Variants in GRIN2A observed in about 807,000 individuals in gnomAD.
GRIN2A encodes glutamate ionotropic receptor NMDA type subunit 2A.
GRIN2A carries 22 observed loss-of-function variants against 113.4 expected under a neutral mutation model. The observed-to-expected ratio is 0.19, with a 90% confidence interval of 0.14 to 0.28. GRIN2A has a LOEUF of 0.28. Ranked by LOEUF, GRIN2A falls within the 10% of genes least tolerant of loss-of-function variation. GRIN2A has a pLI of 1.00. For missense variants in GRIN2A, 1,502 were observed against 1,887.0 expected, an observed-to-expected ratio of 0.80 and a Z score of 3.78; for synonymous variants, 827 against 738.4, an observed-to-expected ratio of 1.12 and a Z score of -1.94.
chr16:10,158,722 G>T (rs1407217780), intron 2 of GRIN2A, among the ~76,000 whole-genome samples: 1 of 152,136 alleles, frequency 6.6e-6, no homozygotes, highest in Non-Finnish European at 1.5e-5. Flanking sequence ...TAAATCCACA[G>T]ATACAGAAAG....
chr16:10,030,300 C>A (rs994228080), intron 2 of GRIN2A, among the ~76,000 whole-genome samples: 1 of 152,110 alleles, frequency 6.6e-6, no homozygotes, highest in Non-Finnish European at 1.5e-5. Flanking sequence ...ATATAATATA[C>A]CCCTGCTGAG....
chr16:9,984,873 G>A (rs909713453), intron 2 of GRIN2A, among the ~76,000 whole-genome samples: 5 of 151,934 alleles, frequency 3.3e-5, no homozygotes, highest in Admixed American at 2.6e-4. Context: ...TCTGTTTTTT[G>A]AGGAGTGGGT....
intron 2 of GRIN2A, among the ~76,000 whole-genome samples, chr16:10,085,562 T>C (rs569799964): frequency 4.1e-4 from 63 of 152,266 alleles, no homozygotes; most frequent in African/African-American, 1.4e-3. Context: ...AAGCTAGTTC[T>C]GGGTGTGCAA....
chr16:9,944,249 T>A (rs779912308), intron 2 of GRIN2A, among the ~76,000 whole-genome samples: 7 of 152,220 alleles, frequency 4.6e-5, no homozygotes, highest in Non-Finnish European at 8.8e-5. Context: ...ACTCTCATAG[T>A]GTATCAACTG....
intron 2 of GRIN2A, among the ~76,000 whole-genome samples, chr16:10,129,102 G>A (rs1186725365): frequency 6.6e-6 from 1 of 151,920 alleles, no homozygotes; most frequent in African/African-American, 2.4e-5. Flanking sequence ...TTAAAACAGG[G>A]TCTCGCTCTG....
At chr16:10,073,658 T>G (rs2047804853) in intron 2 of GRIN2A, among the ~76,000 whole-genome samples, 1 of 151,570 alleles carries the variant, frequency 6.6e-6, no homozygotes, top group Non-Finnish European at 1.5e-5. Context: ...TTGTCAAAAT[T>G]AAAAACTTTT....
chr16:9,777,354 C>G (rs1901667050), intron 11 of GRIN2A, among the ~76,000 whole-genome samples: 1 of 152,206 alleles, frequency 6.6e-6, no homozygotes, highest in Non-Finnish European at 1.5e-5. Flanking sequence ...GACCTCTGTT[C>G]TCACGATCTC....
chr16:10,021,447 C>T (rs1208690492), intron 2 of GRIN2A, among the ~76,000 whole-genome samples: 6 of 152,160 alleles, frequency 3.9e-5, no homozygotes, highest in Non-Finnish European at 7.3e-5. Flanking sequence ...GAATTCTCAC[C>T]TCAGCAGTCT....
At chr16:9,992,421 G>C (rs1381303416) in intron 2 of GRIN2A, among the ~76,000 whole-genome samples, 1 of 152,204 alleles carries the variant, frequency 6.6e-6, no homozygotes, top group Non-Finnish European at 1.5e-5. Flanking sequence ...CTCTCAGCCA[G>C]TTGTTCACAA....
intron 10 of GRIN2A, among the ~76,000 whole-genome samples, chr16:9,801,973 G>A (rs1903389657): frequency 6.6e-6 from 1 of 152,142 alleles, no homozygotes; most frequent in Non-Finnish European, 1.5e-5. Context: ...AAAATATCCT[G>A]GGGCATACAC....
intron 2 of GRIN2A, among the ~76,000 whole-genome samples, chr16:10,116,742 G>A (rs2048735300): frequency 6.6e-6 from 1 of 152,178 alleles, no homozygotes; most frequent in Admixed American, 6.6e-5. Flanking sequence ...CAATAACAGT[G>A]TAGGACACAC....
intron 2 of GRIN2A, among the ~76,000 whole-genome samples, chr16:10,093,038 C>G (rs2142086689): frequency 6.6e-6 from 1 of 152,148 alleles, no homozygotes; most frequent in South Asian, 2.1e-4. Context: ...TGGGGTTTCG[C>G]CATGTTGGCC....
At chr16:10,147,455 C>CAAAAAAAACA (rs2049466049) in intron 2 of GRIN2A, among the ~76,000 whole-genome samples, 1 of 72,938 alleles carries the variant, frequency 1.4e-5, no homozygotes, top group Non-Finnish European at 2.3e-5. Context: ...ACTAAAAATA[C>CAAAAAAAACA]AAAAAAAAAA....
chr16:9,989,912 G>A (rs2046067661), intron 2 of GRIN2A, among the ~76,000 whole-genome samples: 1 of 152,138 alleles, frequency 6.6e-6, no homozygotes, highest in Non-Finnish European at 1.5e-5. Context: ...CAGAGAAAAG[G>A]GATATTTATA....
At chr16:9,919,055 C>A (rs1232460327) in intron 3 of GRIN2A, among the ~76,000 whole-genome samples, 2 of 152,100 alleles carry the variant, frequency 1.3e-5, no homozygotes, top group Non-Finnish European at 2.9e-5. Context: ...CGCCTGTAAT[C>A]CCAGCTCCTC....
At chr16:9,974,345 C>T (rs773864557) in intron 2 of GRIN2A, among the ~76,000 whole-genome samples, 11 of 152,142 alleles carry the variant, frequency 7.2e-5, no homozygotes, top group Non-Finnish European at 1.5e-4. Flanking sequence ...CTGACCTAAC[C>T]GGTTATGTTA....
At chr16:9,853,648 A>G (rs1408348216) in intron 4 of GRIN2A, among the ~76,000 whole-genome samples, 1 of 152,226 alleles carries the variant, frequency 6.6e-6, no homozygotes, top group African/African-American at 2.4e-5. Flanking sequence ...CAGAATGGAA[A>G]AAGATTTATA....
chr16:9,905,805 G>C (rs548677610), intron 3 of GRIN2A, among the ~76,000 whole-genome samples: 2 of 152,126 alleles, frequency 1.3e-5, no homozygotes, highest in African/African-American at 4.8e-5. Flanking sequence ...CTGTCTCCTA[G>C]GAATTTGAAA....
At chr16:9,895,214 C>T (rs1029978361) in intron 3 of GRIN2A, among the ~76,000 whole-genome samples, 14 of 152,152 alleles carry the variant, frequency 9.2e-5, no homozygotes, top group Admixed American at 9.2e-4. Flanking sequence ...GTGGCTAATT[C>T]TATGGTGATT....
Sources: gnomAD v4.1 joint callset for allele counts (sites outside exome capture counted in the v4.1 genomes callset) on GRCh38, gnomAD v4.1.1 for gene constraint, MANE v1.5 for transcripts, NCBI Gene and HGNC (gene_info 2026-07-23, HGNC 2026-07-21) for gene names.